The following SPATC1L variants were observed in gnomAD, a reference collection of about 807,000 sequenced individuals.
The protein encoded by SPATC1L is spermatogenesis and centriole associated 1 like.
Under a neutral mutation model 21.2 loss-of-function variants are expected in SPATC1L, and 20 were observed. The ratio of observed to expected loss-of-function variants is 0.94; its 90% CI spans 0.66 to 1.37. SPATC1L has a LOEUF of 1.37. Among genes scored for constraint, SPATC1L ranks in the 40% most tolerant of loss-of-function variants. The probability of loss-of-function intolerance (pLI) is 0.00; values close to 1 mark genes in which losing one functional copy is unlikely to be tolerated. For synonymous variants in SPATC1L, 290 were observed against 234.5 expected, an observed-to-expected ratio of 1.24 and a Z score of -2.16; for missense variants, 499 against 478.7, an observed-to-expected ratio of 1.04 and a Z score of -0.40.
chr21:46,162,037 T>C lies in SPATC1L; in HGVS notation c.575A>G (p.Asp192Gly), dbSNP rs2123615000. ...EIQSFAGAEKDARVVGEIAFQ... is the reference protein window; with the variant it reads ...EIQSFAGAEKGARVVGEIAFQ... ...GGCGATCTCGCCCACCACGCGCGCGTCCTTCTCGGCGCCCGCGAAGCTCTG... is the reference window on the plus strand; with the variant it reads ...GGCGATCTCGCCCACCACGCGCGCGCCCTTCTCGGCGCCCGCGAAGCTCTG... Residue 192 changes from aspartate (D) to glycine (G), a missense_variant, in exon 4 of 5, where the codon GAC (aspartate) becomes GGC (glycine). Physicochemically the swap from Asp to Gly is moderately conservative, Grantham distance 94. Coordinates refer to ENST00000291672, the MANE Select transcript of SPATC1L (RefSeq NM_001142854.2). 1.9e-6 allele frequency: 3 copies of C among 1,588,760 alleles called. No homozygotes were observed. The highest frequency in any genetic ancestry group is 8.5e-7 in the Non-Finnish European group (1 of 1,170,044).
At chr21:46,179,776 C>A (rs2079658593) in intron 2 of SPATC1L, among the ~76,000 whole-genome samples, 1 of 152,200 alleles carries the variant, frequency 6.6e-6, no homozygotes, top group Admixed American at 6.5e-5. Context: ...CGTGGCCGTG[C>A]TGGAGGGACC....
rs1391344285 is a variant in SPATC1L at position 46,168,642 on chromosome 21, C to T, written c.210G>A (p.Arg70=). 2 of 1,376,750 alleles carry T rather than the reference C, an allele frequency of 1.5e-6. No individual in the cohort carries two copies. The highest frequency in any genetic ancestry group is 1.9e-6 in the Non-Finnish European group (2 of 1,052,886). The allele number at this position is 1,376,750 out of a possible 1,614,324, so 85.3% of individuals were successfully genotyped here. ...SPGSGVPDFG[R]FTSVADTPSQ... ...AGGGCGTGTCGGCAACACTCGTGAA[C>T]CTTCCGAAATCTGGAACTGAGGCGG... The change falls in exon 3 of 5, where the codon AGG becomes AGA. Residue 70 remains arginine (R), a synonymous_variant. Transcript: ENST00000291672.
chr21:46,161,631 C>G lies in SPATC1L; in HGVS notation c.771G>C (p.Leu257=). 2 of 1,610,392 alleles carry G rather than the reference C, an allele frequency of 1.2e-6. No homozygotes were observed. The highest frequency in any genetic ancestry group is 1.7e-4 in the Middle Eastern group (1 of 6,032). ...AGCCCAGCTTCTCCAGGCGCGCGCT[C>G]AGGGCCAGGTAGCGCTGCGTCAGCT... ...LRELTQRYLA[L]SARLEKLGYS... is the part of the protein sequence containing the mutation. The change falls in exon 5 of 5, where the codon CTG becomes CTC. Residue 257 remains leucine, a synonymous_variant. Transcript: ENST00000291672.
At chr21:46,179,608 C>A (rs1045378595) in intron 2 of SPATC1L, among the ~76,000 whole-genome samples, 6 of 152,152 alleles carry the variant, frequency 3.9e-5, no homozygotes, top group African/African-American at 1.4e-4. Context: ...TCATGTCAGA[C>A]GGAAGGAGTG....
At position 46,168,494 on chromosome 21, in the gene SPATC1L, G is replaced by A. The variant is rs759481276; in HGVS notation, c.358C>T (p.Pro120Ser). 1.2e-4 allele frequency: 192 copies of A among 1,562,488 alleles called. No individual in the cohort carries two copies. The highest frequency in any genetic ancestry group is 1.6e-4 in the Non-Finnish European group (184 of 1,152,992). ...SQAPFKAFLSPPEPHSHRGTD... is the reference protein window; with the variant it reads ...SQAPFKAFLSSPEPHSHRGTD... Reference sequence around the variant, plus strand: ...CCTCGGTGGCTATGTGGCTCTGGGGGACTGAGGAAGGCCTTGAAGGGTGCC... The same window carrying A: ...CCTCGGTGGCTATGTGGCTCTGGGGAACTGAGGAAGGCCTTGAAGGGTGCC... The change falls in exon 3 of 5, where the codon CCC becomes TCC. Residue 120 changes from proline to serine, a missense_variant. Physicochemically the swap from Pro to Ser is moderately conservative, Grantham distance 74. Transcript: ENST00000291672.
intron 2 of SPATC1L, among the ~76,000 whole-genome samples, chr21:46,175,588 C>T (rs997983854): frequency 3.3e-5 from 5 of 152,096 alleles, no homozygotes; most frequent in African/African-American, 1.2e-4. Context: ...GACACATACA[C>T]CCTCCCAAGA....
In SPATC1L at chr21:46,181,476, G is replaced by A. The variant is rs183163650; in HGVS notation, c.193+1148C>T. ...GATTCCCCTCTTTGCTTCCAGACAC[G>A]CTCGCTCTCAGGCTTGTCCATGGAG... On this transcript the variant is annotated intron_variant, in intron 2 of 4. Coordinates refer to ENST00000291672, the MANE Select transcript of SPATC1L (RefSeq NM_001142854.2). 4.6e-5 allele frequency among the ~76,000 whole-genome samples: 7 copies of A among 152,316 alleles called. No individual in the cohort carries two copies. In the East Asian group the frequency reaches 5.8e-4, roughly 13 times the overall value.
intron 2 of SPATC1L, among the ~76,000 whole-genome samples, chr21:46,173,669 A>G (rs2079609419): frequency 6.6e-6 from 1 of 152,108 alleles, no homozygotes; most frequent in Non-Finnish European, 1.5e-5. Flanking sequence ...AAAGGCACCT[A>G]GACCTGTGCC....
chr21:46,164,702 G>C (rs1183118543), intron 3 of SPATC1L, among the ~76,000 whole-genome samples: 1 of 150,862 alleles, frequency 6.6e-6, no homozygotes, highest in Non-Finnish European at 1.5e-5. Context: ...TGAGGCAGGA[G>C]AATGGCTTGA....
intron 3 of SPATC1L, among the ~76,000 whole-genome samples, chr21:46,163,010 C>T (rs1274110084): frequency 6.6e-6 from 1 of 152,250 alleles, no homozygotes; most frequent in Non-Finnish European, 1.5e-5. Context: ...CGTAACAGCA[C>T]ATGACCTTGT....
intron 2 of SPATC1L, among the ~76,000 whole-genome samples, chr21:46,179,910 CCAGCTGACGGGGA>C (rs1383713835): frequency 2.6e-5 from 4 of 152,234 alleles, no homozygotes; most frequent in Non-Finnish European, 4.4e-5. Flanking sequence ...ACCTCGCTCC[CCAGCTGACGGGGA>C]CAGATGAGCC....
At chr21:46,163,040 C>T (rs575527366) in intron 3 of SPATC1L, among the ~76,000 whole-genome samples, 4 of 152,312 alleles carry the variant, frequency 2.6e-5, no homozygotes, top group South Asian at 2.1e-4. Context: ...TCCTGGAGGA[C>T]GGGAAACAGT....
intron 2 of SPATC1L, among the ~76,000 whole-genome samples, chr21:46,180,291 C>T (rs190833918): frequency 3.9e-5 from 6 of 152,268 alleles, no homozygotes; most frequent in East Asian, 3.9e-4. Context: ...ACAGCACAAT[C>T]CCGTGTAGGT....
chr21:46,176,451 T>A (rs1355096203), intron 2 of SPATC1L, among the ~76,000 whole-genome samples: 1 of 152,118 alleles, frequency 6.6e-6, no homozygotes, highest in Non-Finnish European at 1.5e-5. Context: ...ACAAAATGAA[T>A]GTGCAAAAAA....
In SPATC1L at chr21:46,182,604, T is replaced by A; in HGVS notation, c.193+20A>T. ...CGACCCCCTCATCTACCAGGCCATCTGAGCTGGGCGGCGCCTCACCTCCGC... is the reference window on the plus strand; with the variant it reads ...CGACCCCCTCATCTACCAGGCCATCAGAGCTGGGCGGCGCCTCACCTCCGC... On this transcript the variant is annotated intron_variant, in intron 2 of 4. Coordinates refer to ENST00000291672, the MANE Select transcript of SPATC1L (RefSeq NM_001142854.2). The A allele has an allele frequency of 6.9e-7, 1 of 1,443,184 alleles. No individual in the cohort carries two copies. The highest frequency in any genetic ancestry group is 9.1e-7 in the Non-Finnish European group (1 of 1,099,696). 89.4% of individuals were successfully genotyped at this position (1,443,184 alleles called of 1,614,324 possible). A position where few individuals can be genotyped will look rare whatever the true frequency, so the allele number is the denominator to read the frequency against.
intron 2 of SPATC1L, among the ~76,000 whole-genome samples, chr21:46,176,330 A>AG: frequency 6.6e-6 from 1 of 152,326 alleles, no homozygotes. Flanking sequence ...ATAGAAAGAG[A>AG]GGAAATCAAA....
Position 46,161,604 on chromosome 21 carries a change from G to A in SPATC1L, c.798C>T (p.Tyr266=), listed in dbSNP as rs772980347. 40 of 1,610,372 alleles carry A rather than the reference G, an allele frequency of 2.5e-5. No homozygotes were observed. In the East Asian group the frequency reaches 8.0e-4, roughly 32 times the overall value. ...ALSARLEKLG[Y]SRDVHPAFSE... is the part of the protein sequence containing the mutation. The stretch of plus-strand genomic sequence containing the variant: ...TGAACGCCGGGTGCACGTCGCGGCT[G>A]TAGCCCAGCTTCTCCAGGCGCGCGC... Residue 266 remains tyrosine, a synonymous_variant, in exon 5 of 5, where the codon TAC becomes TAT. Transcript: ENST00000291672.
chr21:46,173,297 A>G (rs2079607390), intron 2 of SPATC1L, among the ~76,000 whole-genome samples: 2 of 151,980 alleles, frequency 1.3e-5, no homozygotes, highest in African/African-American at 4.8e-5. Context: ...GGTCTTCACC[A>G]TAGCTTCTGT....
rs200980627 is a variant in SPATC1L at position 46,174,344 on chromosome 21, C to CA, written c.194-5687dup. Among the ~76,000 whole-genome samples, 404 of 68,806 alleles carry CA rather than the reference C, an allele frequency of 5.9e-3. 10 individuals are homozygous for CA. Among genetic ancestry groups the CA allele is most frequent in the South Asian group, 8.0e-3 (21 of 2,634 alleles). The allele number at this position is 68,806 out of a possible 152,430, so 45.1% of individuals were successfully genotyped here. A position where few individuals can be genotyped will look rare whatever the true frequency, so the allele number is the denominator to read the frequency against. ...CAAGACTCTGTCTCAAAAAACAAAA[C>CA]AAAAAAAAAAAAAAAACAGAATGGC... On this transcript the variant is annotated intron_variant, in intron 2 of 4. Coordinates refer to ENST00000291672, the MANE Select transcript of SPATC1L (RefSeq NM_001142854.2).
Sources: gnomAD v4.1 joint callset for allele counts (sites outside exome capture counted in the v4.1 genomes callset) on GRCh38, gnomAD v4.1.1 for gene constraint, MANE v1.5 for transcripts, NCBI Gene and HGNC (gene_info 2026-07-23, HGNC 2026-07-21) for gene names.